SLC44A5: variants seen among roughly 807,000 people sequenced by gnomAD.
SLC44A5 encodes solute carrier family 44 member 5.
Under a neutral mutation model 101.8 loss-of-function variants are expected in SLC44A5, and 57 were observed. The observed-to-expected ratio is 0.56, with a 90% CI of 0.45 to 0.70. The LOEUF (loss-of-function observed/expected upper bound fraction) is 0.70, where lower values mean the gene tolerates loss of function less well. SLC44A5 is among the 30% of genes least tolerant of loss of function. The pLI is 0.00. For missense variants in SLC44A5, 737 were observed against 853.1 expected, an observed-to-expected ratio of 0.86 and a Z score of 1.70; for synonymous variants, 281 against 290.9, an observed-to-expected ratio of 0.97 and a Z score of 0.35.
intron 14 of SLC44A5, among the ~76,000 whole-genome samples, chr1:75,221,876 G>A (rs1471037685): frequency 6.6e-6 from 1 of 151,934 alleles, no homozygotes; most frequent in East Asian, 1.9e-4. Context: ...CTTGTTAGTG[G>A]TGATCTTTCT....
intron 4 of SLC44A5, among the ~76,000 whole-genome samples, chr1:75,306,071 A>T (rs1178975173): frequency 1.3e-5 from 2 of 152,230 alleles, no homozygotes; most frequent in Admixed American, 1.3e-4. Context: ...ATATTTTGTA[A>T]CCTAGAAACG....
chr1:75,454,807 T>A (rs1205305999), intron 2 of SLC44A5, among the ~76,000 whole-genome samples: 1 of 151,716 alleles, frequency 6.6e-6, no homozygotes, highest in Non-Finnish European at 1.5e-5. Context: ...CACAAAAATA[T>A]TTAGAAATGC....
chr1:75,620,408 C>T, the SLC44A5 span, among the ~76,000 whole-genome samples: 1 of 152,210 alleles, frequency 6.6e-6, no homozygotes, highest in Non-Finnish European at 1.5e-5. Context: ...GGAATCACCA[C>T]ACTGTCTTCC....
the SLC44A5 span, among the ~76,000 whole-genome samples, chr1:75,633,965 T>A: frequency 1.3e-5 from 2 of 152,144 alleles, no homozygotes; most frequent in Non-Finnish European, 2.9e-5. Context: ...CTTTTCTGCA[T>A]CTATTGAGAT....
intron 1 of SLC44A5, among the ~76,000 whole-genome samples, chr1:75,545,966 G>A (rs2587040): frequency 0.16 from 24,934 of 151,496 alleles, 2,245 homozygotes; most frequent in Admixed American, 0.24. Context: ...TAGCTGGGAT[G>A]ATGGGTGTGT....
chr1:75,576,339 A>G (rs777769524), intron 1 of SLC44A5, among the ~76,000 whole-genome samples: 2 of 151,406 alleles, frequency 1.3e-5, no homozygotes, highest in Non-Finnish European at 3.0e-5. Flanking sequence ...TTTTGAGAGG[A>G]AGTCTTGCTC....
intron 7 of SLC44A5, among the ~76,000 whole-genome samples, chr1:75,244,377 G>A (rs1411290543): frequency 6.6e-6 from 1 of 151,970 alleles, no homozygotes; most frequent in Non-Finnish European, 1.5e-5. Flanking sequence ...GATTAATATT[G>A]CTTGTGTAGT....
chr1:75,430,487 G>A (rs1441371116), intron 2 of SLC44A5, among the ~76,000 whole-genome samples: 1 of 152,214 alleles, frequency 6.6e-6, no homozygotes, highest in East Asian at 1.9e-4. Flanking sequence ...TCCTGAAACA[G>A]TATGATGTGG....
chr1:75,549,706 G>T (rs1332821661), intron 1 of SLC44A5, among the ~76,000 whole-genome samples: 1 of 152,118 alleles, frequency 6.6e-6, no homozygotes, highest in Admixed American at 6.6e-5. Context: ...AAAAGCATCA[G>T]GAAGGAAACA....
At chr1:75,290,005 T>C (rs1391659269) in intron 5 of SLC44A5, among the ~76,000 whole-genome samples, 1 of 152,210 alleles carries the variant, frequency 6.6e-6, no homozygotes, top group Non-Finnish European at 1.5e-5. Context: ...AGAGGTAGTT[T>C]TCAATAATCA....
chr1:75,275,062 C>T lies in SLC44A5; in HGVS notation c.176-20G>A. ...CCCAGGCTGCAGGAACAAGAAAGGACAAATATGCTATCAGCAAAAGCCAGC... is the reference window on the plus strand; with the variant it reads ...CCCAGGCTGCAGGAACAAGAAAGGATAAATATGCTATCAGCAAAAGCCAGC... On this transcript the variant is annotated intron_variant, in intron 5 of 23. Transcript: ENST00000370859. 1 of 1,603,046 alleles carries T rather than the reference C, an allele frequency of 6.2e-7. No homozygotes were observed.
At chr1:75,243,878 C>CCTCCTTGT (rs1463486033) in intron 7 of SLC44A5, among the ~76,000 whole-genome samples, 1 of 151,986 alleles carries the variant, frequency 6.6e-6, no homozygotes, top group Non-Finnish European at 1.5e-5. Context: ...GAGGGCAGAT[C>CCTCCTTGT]CTCCTTGTTC....
At chr1:75,723,017 T>C in the SLC44A5 span, among the ~76,000 whole-genome samples, 1,232 of 152,318 alleles carry the variant, frequency 8.1e-3, 16 homozygotes, top group African/African-American at 0.028. Context: ...GAGGTGTTTT[T>C]ACCTTTCTCA....
the SLC44A5 span, among the ~76,000 whole-genome samples, chr1:75,704,014 CCT>C: frequency 4.0e-5 from 6 of 151,846 alleles, no homozygotes; most frequent in South Asian, 1.3e-3. Context: ...ATGGTGGGAC[CCT>C]GTCTCTAATT....
intron 5 of SLC44A5, among the ~76,000 whole-genome samples, chr1:75,289,991 C>A (rs1012393002): frequency 6.6e-6 from 1 of 152,198 alleles, no homozygotes; most frequent in Non-Finnish European, 1.5e-5. Context: ...GAAGCCCCTT[C>A]TGTAGAGGTA....
At chr1:75,254,996 T>A (rs1477737622) in intron 6 of SLC44A5, among the ~76,000 whole-genome samples, 1 of 152,176 alleles carries the variant, frequency 6.6e-6, no homozygotes, top group East Asian at 1.9e-4. Flanking sequence ...GTGGAGCCCA[T>A]GACCTGTGGG....
At chr1:75,389,268 A>G (rs1661623816) in intron 3 of SLC44A5, among the ~76,000 whole-genome samples, 1 of 152,176 alleles carries the variant, frequency 6.6e-6, no homozygotes, top group Non-Finnish European at 1.5e-5. Flanking sequence ...TTAGATCATC[A>G]AGGCAGAAAA....
chr1:75,691,542 A>T, the SLC44A5 span, among the ~76,000 whole-genome samples: 1 of 152,202 alleles, frequency 6.6e-6, no homozygotes, highest in African/African-American at 2.4e-5. Context: ...TTGTAAGGCC[A>T]CGAGGGAAAC....
chr1:75,232,146 A>C (rs986665792), intron 12 of SLC44A5, among the ~76,000 whole-genome samples: 3 of 151,998 alleles, frequency 2.0e-5, no homozygotes, highest in African/African-American at 7.2e-5. Context: ...TACACCATTA[A>C]TTTTTGGGTT....
Sources: gnomAD v4.1 joint callset for allele counts (sites outside exome capture counted in the v4.1 genomes callset) on GRCh38, gnomAD v4.1.1 for gene constraint, MANE v1.5 for transcripts, NCBI Gene and HGNC (gene_info 2026-07-23, HGNC 2026-07-21) for gene names.